EPHX4: variants seen among roughly 807,000 people sequenced by gnomAD.
EPHX4 encodes the protein epoxide hydrolase 4.
Under a neutral mutation model 44.9 loss-of-function variants are expected in EPHX4, and 31 were observed. The observed-to-expected ratio is 0.69, with a 90% CI of 0.52 to 0.93. EPHX4 has a LOEUF of 0.93. Among genes scored for constraint, EPHX4 ranks in the 40% least tolerant of loss-of-function variants. The pLI is 0.00. For synonymous variants in EPHX4, 151 were observed against 159.7 expected (o/e 0.95, Z 0.41); for missense variants, 373 against 438.1 (o/e 0.85, Z 1.33).
chr1:92,060,076 G>T (rs1458933367), intron 6 of EPHX4, among the ~76,000 whole-genome samples: 2 of 151,540 alleles, frequency 1.3e-5, no homozygotes, highest in Non-Finnish European at 2.9e-5. Flanking sequence ...CTGAAAACCA[G>T]CTCTGGTTTA....
intron 4 of EPHX4, among the ~76,000 whole-genome samples, chr1:92,049,036 G>GTA (rs1375644789): frequency 6.6e-6 from 1 of 151,196 alleles, no homozygotes; most frequent in Non-Finnish European, 1.5e-5. Context: ...GAATATATAT[G>GTA]TATATATATT....
At chr1:92,030,397 C>A (rs762970655) in intron 1 of EPHX4, 87 bp downstream of exon 1, 11 of 1,253,698 alleles carry the variant, frequency 8.8e-6, no homozygotes, top group Non-Finnish European at 1.2e-5. Context: ...TTCCGAGACG[C>A]TGGCTCAGCG....
Position 92,059,337 on chromosome 1 carries a change from C to T in EPHX4, c.858-3718C>T, listed in dbSNP as rs1004442415. 2.0e-5 allele frequency among the ~76,000 whole-genome samples: 3 copies of T among 151,730 alleles called. 1 individual carries two copies. Among genetic ancestry groups the T allele is most frequent in the South Asian group, 4.2e-4 (2 of 4,802 alleles). On this transcript the variant is annotated intron_variant, in intron 6 of 6. Coordinates refer to ENST00000370383, the MANE Select transcript of EPHX4 (RefSeq NM_173567.5). ...CTGTAATCCCAGCTATTCTGGAGGTCGAGGCATGAGAATCGCTTGAACCCA... is the reference window on the plus strand; with the variant it reads ...CTGTAATCCCAGCTATTCTGGAGGTTGAGGCATGAGAATCGCTTGAACCCA...
At chr1:92,057,707 C>A (rs1202623404) in intron 6 of EPHX4, among the ~76,000 whole-genome samples, 2 of 151,784 alleles carry the variant, frequency 1.3e-5, no homozygotes, top group Non-Finnish European at 2.9e-5. Context: ...TCAAGTGATT[C>A]TGCTGCCTCA....
intron 2 of EPHX4, among the ~76,000 whole-genome samples, chr1:92,037,485 ACT>A (rs1055646552): frequency 3.3e-5 from 5 of 151,846 alleles, no homozygotes; most frequent in Non-Finnish European, 5.9e-5. Context: ...TCTTTCTCCC[ACT>A]CTCTCTCTCC....
At chr1:92,041,132 G>C (rs1242765980) in intron 2 of EPHX4, among the ~76,000 whole-genome samples, 3 of 152,010 alleles carry the variant, frequency 2.0e-5, no homozygotes, top group Non-Finnish European at 2.9e-5. Context: ...TAATTCTGCA[G>C]TTCCATGATC....
chr1:92,058,192 A>T (rs1647413750), intron 6 of EPHX4, among the ~76,000 whole-genome samples: 1 of 152,202 alleles, frequency 6.6e-6, no homozygotes, highest in Admixed American at 6.5e-5. Context: ...CTGTAATCCC[A>T]GCATTTTGGA....
rs528132875 is a variant in EPHX4, at chr1:92,038,272, A to T, written c.318-4551A>T. 2.6e-5 allele frequency among the ~76,000 whole-genome samples: 4 copies of T among 152,306 alleles called. No homozygotes were observed. In the South Asian group the frequency reaches 8.3e-4, roughly 32 times the overall value. On this transcript the variant is annotated intron_variant, in intron 2 of 6. Transcript: ENST00000370383. Reference sequence around the variant, plus strand: ...ATTTCTACCTTGAAATCTCTAATTAAATCCTAAATGAAGACACGGACCCTT... The same window carrying T: ...ATTTCTACCTTGAAATCTCTAATTATATCCTAAATGAAGACACGGACCCTT...
At chr1:92,051,661 C>T (rs1042958424) in intron 5 of EPHX4, among the ~76,000 whole-genome samples, 18 of 152,000 alleles carry the variant, frequency 1.2e-4, no homozygotes, top group African/African-American at 4.4e-4. Flanking sequence ...TGTGTATTTC[C>T]TAACGCATCC....
intron 2 of EPHX4, among the ~76,000 whole-genome samples, chr1:92,040,812 C>A (rs967806470): frequency 6.6e-6 from 1 of 152,092 alleles, no homozygotes; most frequent in African/African-American, 2.4e-5. Context: ...CGCAGCCCCC[C>A]TCTCAGGCTT....
At chr1:92,039,920 C>T (rs999263165) in intron 2 of EPHX4, among the ~76,000 whole-genome samples, 12 of 152,178 alleles carry the variant, frequency 7.9e-5, no homozygotes, top group African/African-American at 2.4e-4. Flanking sequence ...TTCCAAAGTG[C>T]TAGGATTACA....
In EPHX4 at chr1:92,035,188, G is replaced by A. The variant is rs148965816; in HGVS notation, c.317+2598G>A. ...TCATTTTCATGTTATGCTTTGATCT[G>A]TTCTTTCATTTGGAGACAGCTTAAT... On this transcript the variant is annotated intron_variant, in intron 2 of 6. Transcript: ENST00000370383. 8.9e-4 allele frequency among the ~76,000 whole-genome samples: 136 copies of A among 152,258 alleles called. 1 individual carries two copies. The highest frequency in any genetic ancestry group is 3.2e-3 in the African/African-American group (131 of 41,540).
In EPHX4 at chr1:92,045,649, A is replaced by G; in HGVS notation, c.593A>G (p.Asn198Ser). Reference sequence around the variant, plus strand: ...ATTGTTATTAACTTCCCTCATCCAAATGTATTTACAGGTGAGTTCAAGTTT... The same window carrying G: ...ATTGTTATTAACTTCCCTCATCCAAGTGTATTTACAGGTGAGTTCAAGTTT... ...KLIVINFPHP[N>S]VFTEYILRHP... Residue 198 changes from asparagine (N) to serine (S), a missense_variant, in exon 4 of 7, where the codon AAT becomes AGT. Asn to Ser is a conservative substitution (Grantham distance 46, BLOSUM62 1). Coordinates refer to ENST00000370383, the MANE Select transcript of EPHX4 (RefSeq NM_173567.5). 6.2e-7 allele frequency: 1 copy of G among 1,614,052 alleles called. No homozygotes were observed. The highest frequency in any genetic ancestry group is 8.5e-7 in the Non-Finnish European group (1 of 1,179,972).
intron 3 of EPHX4, among the ~76,000 whole-genome samples, chr1:92,044,018 C>G (rs750157776): frequency 4.6e-5 from 7 of 152,134 alleles, no homozygotes; most frequent in Non-Finnish European, 7.3e-5. Context: ...ACTGTGACAG[C>G]AGGGAGAAGG....
intron 2 of EPHX4, among the ~76,000 whole-genome samples, chr1:92,037,528 T>C (rs1034458878): frequency 6.6e-6 from 1 of 152,106 alleles, no homozygotes; most frequent in African/African-American, 2.4e-5. Flanking sequence ...TAAAAATATT[T>C]TGAGCTGAGG....
chr1:92,042,785 C>A (rs759057053), intron 2 of EPHX4, 38 bp from the exon 3 acceptor site: 3 of 1,534,994 alleles, frequency 2.0e-6, no homozygotes, highest in Non-Finnish European at 2.7e-6. Context: ...TTTGTACTAG[C>A]TAATATGATA....
At chr1:92,058,092 C>G (rs1005326491) in intron 6 of EPHX4, among the ~76,000 whole-genome samples, 2 of 152,038 alleles carry the variant, frequency 1.3e-5, no homozygotes, top group Non-Finnish European at 2.9e-5. Context: ...AATAAAATAT[C>G]AAAATGAATT....
intron 6 of EPHX4, among the ~76,000 whole-genome samples, chr1:92,056,153 C>G (rs925092610): frequency 2.6e-5 from 4 of 152,004 alleles, no homozygotes; most frequent in African/African-American, 9.7e-5. Context: ...CTCTGACCCC[C>G]CTCTGAGTAA....
chr1:92,048,034 C>A (rs1688606504), intron 4 of EPHX4, among the ~76,000 whole-genome samples: 1 of 152,090 alleles, frequency 6.6e-6, no homozygotes, highest in Admixed American at 6.6e-5. Context: ...TTCTGAGGTT[C>A]AAGTACTACT....
Sources: allele counts gnomAD v4.1 joint callset (sites outside exome capture counted in the v4.1 genomes callset), GRCh38; gene constraint gnomAD v4.1.1; transcripts MANE v1.5; gene names NCBI Gene and HGNC (gene_info 2026-07-23, HGNC 2026-07-21).